The following CDH18 variants were observed in gnomAD, a reference collection of about 807,000 sequenced individuals.
The protein encoded by CDH18 is cadherin-18.
CDH18 carries 31 observed loss-of-function variants against 67.9 expected under a neutral mutation model. The observed-to-expected ratio is 0.46, with a 90% confidence interval of 0.34 to 0.62. The LOEUF (loss-of-function observed/expected upper bound fraction) is 0.62, where lower values mean the gene tolerates loss of function less well. CDH18 is among the 20% of genes least tolerant of loss of function. The probability of loss-of-function intolerance (pLI) is 0.01; values close to 1 mark genes in which losing one functional copy is unlikely to be tolerated. For missense variants in CDH18, 890 were observed against 975.5 expected, an observed-to-expected ratio of 0.91 and a Z score of 1.17; for synonymous variants, 362 against 347.2, an observed-to-expected ratio of 1.04 and a Z score of -0.48.
At chr5:19,772,360 AAAGG>A (rs1773827231) in intron 3 of CDH18, among the ~76,000 whole-genome samples, 2 of 152,174 alleles carry the variant, frequency 1.3e-5, no homozygotes, top group South Asian at 4.1e-4. Flanking sequence ...TTATAAGAGA[AAAGG>A]GGAGGCAGGA....
chr5:20,448,688 C>A (rs944090343), intron 1 of CDH18, among the ~76,000 whole-genome samples: 6 of 151,998 alleles, frequency 3.9e-5, no homozygotes, highest in Non-Finnish European at 7.4e-5. Context: ...TTTACAGACA[C>A]GCTTACAGCT....
At chr5:19,599,914 A>T (rs1746807286) in intron 6 of CDH18, among the ~76,000 whole-genome samples, 1 of 151,948 alleles carries the variant, frequency 6.6e-6, no homozygotes, top group Non-Finnish European at 1.5e-5. Context: ...AACAAAAACA[A>T]AACCAAAACA....
intron 2 of CDH18, among the ~76,000 whole-genome samples, chr5:20,111,951 A>T (rs1747517483): frequency 6.6e-6 from 1 of 152,208 alleles, no homozygotes; most frequent in Admixed American, 6.5e-5. Flanking sequence ...TATTTTTCAT[A>T]CATTTGGCTA....
chr5:20,394,002 T>C (rs866125033), intron 1 of CDH18, among the ~76,000 whole-genome samples: 15 of 152,004 alleles, frequency 9.9e-5, no homozygotes, highest in Non-Finnish European at 1.8e-4. Flanking sequence ...GATAACAGAT[T>C]CAATGAAATT....
intron 2 of CDH18, among the ~76,000 whole-genome samples, chr5:20,028,151 T>G (rs1357715814): frequency 6.6e-6 from 1 of 152,064 alleles, no homozygotes; most frequent in Non-Finnish European, 1.5e-5. Context: ...TTACTTTTAA[T>G]GGCAAAAACT....
chr5:20,130,214 GA>G (rs1207915653), intron 2 of CDH18, among the ~76,000 whole-genome samples: 1 of 151,634 alleles, frequency 6.6e-6, no homozygotes. Flanking sequence ...TAGAAAACCA[GA>G]ACCAAAAGGT....
rs974705049 is a variant in CDH18, at chr5:20,528,249, C to T, written c.-580+47213G>A. Among the ~76,000 whole-genome samples the T allele has an allele frequency of 4.0e-5, 6 of 151,898 alleles. No homozygotes were observed. In the East Asian group the frequency reaches 9.7e-4, roughly 25 times the overall value. ...ATGTATGCACCCAATACAAGAGCAC[C>T]CAGATTCATAAAACAAGACCTACAA... On this transcript the variant is annotated intron_variant, in intron 1 of 14. Transcript: ENST00000507958.
intron 7 of CDH18, among the ~76,000 whole-genome samples, chr5:19,585,097 C>T (rs1743951542): frequency 1.3e-5 from 2 of 151,870 alleles, no homozygotes; most frequent in South Asian, 2.1e-4. Context: ...AGAATTGAAA[C>T]GATTCTGATC....
At chr5:20,187,541 A>C (rs1738196848) in intron 2 of CDH18, among the ~76,000 whole-genome samples, 1 of 151,902 alleles carries the variant, frequency 6.6e-6, no homozygotes, top group Non-Finnish European at 1.5e-5. Flanking sequence ...ATAAAGAAGG[A>C]AATACATAAA....
chr5:20,241,862 A>T (rs1322669274), intron 2 of CDH18, among the ~76,000 whole-genome samples: 4 of 16,752 alleles, frequency 2.4e-4, no homozygotes, highest in African/African-American at 7.0e-4. Context: ...AAAAAAAAAA[A>T]AAATAAAATA....
chr5:20,540,342 T>C (rs1756986008), intron 1 of CDH18, among the ~76,000 whole-genome samples: 2 of 152,110 alleles, frequency 1.3e-5, no homozygotes, highest in South Asian at 4.1e-4. Flanking sequence ...TGCAGAAAAA[T>C]CTTGAAGAAC....
At chr5:20,042,965 A>T (rs1418984943) in intron 2 of CDH18, among the ~76,000 whole-genome samples, 1 of 149,216 alleles carries the variant, frequency 6.7e-6, no homozygotes, top group African/African-American at 2.5e-5. Context: ...CCGTCTCAAA[A>T]AAATTAATTA....
chr5:20,225,860 T>C (rs113259392), intron 2 of CDH18, among the ~76,000 whole-genome samples: 51 of 152,176 alleles, frequency 3.4e-4, no homozygotes, highest in African/African-American at 1.2e-3. Context: ...TAGAGGGGAT[T>C]TGAAAATATC....
At chr5:19,659,187 T>A (rs897918240) in intron 5 of CDH18, among the ~76,000 whole-genome samples, 1 of 152,096 alleles carries the variant, frequency 6.6e-6, no homozygotes, top group African/African-American at 2.4e-5. Context: ...AAATCAATTG[T>A]CCTTCTACAT....
intron 3 of CDH18, among the ~76,000 whole-genome samples, chr5:19,832,469 G>A (rs1781158949): frequency 6.6e-6 from 1 of 152,036 alleles, no homozygotes; most frequent in African/African-American, 2.4e-5. Flanking sequence ...CTGTGACAGG[G>A]AGGAATAGAA....
chr5:19,568,761 G>T (rs181538388), intron 8 of CDH18, among the ~76,000 whole-genome samples: 16 of 152,260 alleles, frequency 1.1e-4, no homozygotes, highest in African/African-American at 3.8e-4. Context: ...GGACTTCCCA[G>T]CCTCTAGAAC....
At chr5:20,254,886 G>A (rs536646265) in intron 2 of CDH18, among the ~76,000 whole-genome samples, 6 of 135,660 alleles carry the variant, frequency 4.4e-5, no homozygotes, top group South Asian at 2.5e-4. Context: ...ATGAAAGATC[G>A]GATAAAAAAA....
chr5:20,302,453 A>G (rs1263527905), intron 1 of CDH18, among the ~76,000 whole-genome samples: 1 of 152,098 alleles, frequency 6.6e-6, no homozygotes, highest in Admixed American at 6.6e-5. Context: ...GCTATGTCTG[A>G]CAGCATCCTG....
chr5:20,172,223 T>TATATATATATATATATATATATATATAC (rs1554098639), intron 2 of CDH18, among the ~76,000 whole-genome samples: 2 of 43,922 alleles, frequency 4.6e-5, no homozygotes, highest in African/African-American at 1.1e-4. Context: ...TATATATATA[T>TATATATATATATATATATATATATATAC]GTATATATAT....
Sources: allele counts gnomAD v4.1 joint callset (sites outside exome capture counted in the v4.1 genomes callset), GRCh38; gene constraint gnomAD v4.1.1; transcripts MANE v1.5; gene names NCBI Gene and HGNC (gene_info 2026-07-23, HGNC 2026-07-21).